The following ARAP1 variants were observed in gnomAD, a reference collection of about 807,000 sequenced individuals.
The protein encoded by ARAP1 is arf-GAP with Rho-GAP domain, ANK repeat and PH domain-containing protein 1.
A neutral mutation model predicts 172.2 loss-of-function variants in ARAP1; 76 were observed. The observed-to-expected ratio is 0.44, with a 90% CI of 0.37 to 0.53. The LOEUF (loss-of-function observed/expected upper bound fraction) is 0.53. Ranked by LOEUF, ARAP1 falls within the 20% of genes least tolerant of loss-of-function variation. The pLI is 0.00. For synonymous variants in ARAP1, 804 were observed against 803.3 expected, an observed-to-expected ratio of 1.00 and a Z score of -0.01; for missense variants, 1,686 against 1,977.5, an observed-to-expected ratio of 0.85 and a Z score of 2.80.
At chr11:72,709,193 G>C (rs1358898577) in intron 11 of ARAP1, among the ~76,000 whole-genome samples, 1 of 152,222 alleles carries the variant, frequency 6.6e-6, no homozygotes, top group Non-Finnish European at 1.5e-5. Flanking sequence ...TCCCGCTGGA[G>C]ACAGACACCT....
intron 5 of ARAP1, 98 bp downstream of exon 5, chr11:72,713,078 G>T: frequency 7.7e-7 from 1 of 1,291,950 alleles, no homozygotes; most frequent in Non-Finnish European, 1.1e-6. Flanking sequence ...CCCGGGAAAT[G>T]GCTGCCCACT....
intron 2 of ARAP1, 41 bp from the exon 3 acceptor site, chr11:72,727,213 C>T (rs1857719258): frequency 2.8e-6 from 4 of 1,440,186 alleles, no homozygotes; most frequent in African/African-American, 1.4e-5. Flanking sequence ...GCAGGGCTGC[C>T]GAGGATTGGT....
chr11:72,699,976 A>C lies in ARAP1; in HGVS notation c.2303-424T>G. ...AGCTTTTGCAAACCTTGTCCCCTCTACCCACCACCTGAATGTCACAGGAAG... is the reference window on the plus strand; with the variant it reads ...AGCTTTTGCAAACCTTGTCCCCTCTCCCCACCACCTGAATGTCACAGGAAG... On this transcript the variant is annotated intron_variant, in intron 16 of 34. Coordinates refer to ENST00000393609, the MANE Select transcript of ARAP1 (RefSeq NM_001040118.3). This position sits in a 1 kb window ranked among gnomAD's most constrained non-coding sequence, Gnocchi z 4.2. 1 of 182,694 alleles carries C rather than the reference A, an allele frequency of 5.5e-6. No homozygotes were observed. The highest frequency in any genetic ancestry group is 1.2e-5 in the Non-Finnish European group (1 of 85,798). The allele number at this position is 182,694 out of a possible 1,614,324, so 11.3% of individuals were successfully genotyped here. A position where few individuals can be genotyped will look rare whatever the true frequency, so the allele number is the denominator to read the frequency against.
intron 4 of ARAP1, among the ~76,000 whole-genome samples, chr11:72,713,542 C>A (rs1857129722): frequency 6.6e-6 from 1 of 152,098 alleles, no homozygotes. Flanking sequence ...ATGTGGCCAA[C>A]CCCAGGAAAA....
At chr11:72,742,951 T>G (rs1858246406) in intron 1 of ARAP1, among the ~76,000 whole-genome samples, 1 of 152,188 alleles carries the variant, frequency 6.6e-6, no homozygotes, top group Non-Finnish European at 1.5e-5. Flanking sequence ...CCGAGCTCCT[T>G]CTGGCTGGAA....
intron 4 of ARAP1, 39 bp from the exon 5 acceptor site, chr11:72,713,282 C>T: frequency 6.3e-7 from 1 of 1,588,338 alleles, no homozygotes; most frequent in Non-Finnish European, 8.6e-7. Context: ...GGGCAAGGGG[C>T]CTGGCCTCCT....
chr11:72,746,658 C>A (rs1032763870), intron 1 of ARAP1, among the ~76,000 whole-genome samples: 1 of 142,796 alleles, frequency 7.0e-6, no homozygotes, highest in African/African-American at 2.6e-5. Flanking sequence ...AGTGGAACAG[C>A]CCCCTCCCCC....
chr11:72,724,911 A>C (rs181762531), intron 3 of ARAP1, among the ~76,000 whole-genome samples: 12 of 152,288 alleles, frequency 7.9e-5, no homozygotes, highest in African/African-American at 2.6e-4. Context: ...CTAAATGGCT[A>C]TGTTCAGACA....
chr11:72,712,360 G>C (rs769397807), intron 6 of ARAP1, 21 bp from the exon 7 acceptor site: 6 of 1,543,930 alleles, frequency 3.9e-6, no homozygotes, highest in Non-Finnish European at 1.8e-6. Flanking sequence ...ATGAGGGGAT[G>C]GGGGGCCGGG....
chr11:72,742,567 A>C (rs1481975689), intron 1 of ARAP1, among the ~76,000 whole-genome samples: 6 of 152,116 alleles, frequency 3.9e-5, no homozygotes, highest in African/African-American at 1.4e-4. Context: ...CTGAGTGCAG[A>C]CTGAGAAGGG....
intron 1 of ARAP1, among the ~76,000 whole-genome samples, chr11:72,749,736 G>C (rs1268956137): frequency 6.6e-6 from 1 of 152,082 alleles, no homozygotes; most frequent in Non-Finnish European, 1.5e-5. Context: ...ACAAAAATTA[G>C]CCAGGTGTGG....
chr11:72,709,075 G>A (rs947785698), intron 11 of ARAP1, among the ~76,000 whole-genome samples: 8 of 149,576 alleles, frequency 5.3e-5, no homozygotes, highest in African/African-American at 7.4e-5. Flanking sequence ...GGAAAGGCAC[G>A]AGTCCTTCCT....
At chr11:72,701,438 T>C (rs2135516609) in intron 16 of ARAP1, among the ~76,000 whole-genome samples, 1 of 152,214 alleles carries the variant, frequency 6.6e-6, no homozygotes, top group South Asian at 2.1e-4. Context: ...CCAAAGAAAC[T>C]CTGGCACTGA....
Position 72,693,272 on chromosome 11 carries a change from C to G in ARAP1, c.3954+53G>C. 1 of 1,591,972 alleles carries G rather than the reference C, an allele frequency of 6.3e-7. No homozygotes were observed. Reference sequence around the variant, plus strand: ...GCAGACCAAGGGGAATCTCTGAGCACATTCAGGTGTACAGGTGCCCACCCT... The same window carrying G: ...GCAGACCAAGGGGAATCTCTGAGCAGATTCAGGTGTACAGGTGCCCACCCT... On this transcript the variant is annotated intron_variant, in intron 29 of 34. Coordinates refer to ENST00000393609, the MANE Select transcript of ARAP1 (RefSeq NM_001040118.3). The surrounding 1 kb of genome is among the most constrained non-coding windows in gnomAD (Gnocchi z 4.6).
chr11:72,697,616 A>G lies in ARAP1; in HGVS notation c.2771T>C (p.Val924Ala). 6.2e-7 allele frequency: 1 copy of G among 1,614,090 alleles called. No homozygotes were observed. Among genetic ancestry groups the G allele is most frequent in the South Asian group, 1.1e-5 (1 of 91,088 alleles). ...IQGDSENQVL[V>A]LVERRRTLYI... ...GGCTCACCTCCTTCGCTCCACCAGC[A>G]CCAGCACCTGGTTCTCACTGTCCCC... Residue 924 changes from valine (V) to alanine (A), a missense_variant, in exon 20 of 35, where the codon GTG (valine) becomes GCG (alanine). By Grantham distance (64) the Val-to-Ala change is moderately conservative. Transcript: ENST00000393609.
At chr11:72,686,343 G>A (rs1047971485) in intron 33 of ARAP1, 152 bp from the exon 34 acceptor site, 32 of 1,083,090 alleles carry the variant, frequency 3.0e-5, no homozygotes, top group Non-Finnish European at 3.6e-5. Context: ...GCAGCTGTGG[G>A]GAGAACATGA....
rs756933961 is a variant in ARAP1, at chr11:72,693,696, G to T, written c.3804C>A (p.Tyr1268Ter). Residue 1268 changes from tyrosine to a stop codon, truncating the protein, a stop_gained, in exon 28 of 35, where the codon TAC becomes TAA. Coordinates refer to ENST00000393609, the MANE Select transcript of ARAP1 (RefSeq NM_001040118.3). LOFTEE classifies it high-confidence loss of function. The surrounding 1 kb of genome is among the most constrained non-coding windows in gnomAD (Gnocchi z 4.6). ...KHQAMEAMLLYLASRVGDTKH... is the reference protein window; with the variant it reads ...KHQAMEAMLL ...CACCCTGCAGGCACCACCTACCCAG[G>T]TACAGCAGCATGGCCTCCATGGCCT... 1.2e-6 allele frequency: 2 copies of T among 1,605,254 alleles called. No homozygotes were observed. The highest frequency in any genetic ancestry group is 1.7e-6 in the Non-Finnish European group (2 of 1,175,886).
rs770733882 is a variant in ARAP1, at chr11:72,710,573, A to G, written c.1228T>C (p.Trp410Arg). 1.9e-6 allele frequency: 3 copies of G among 1,606,922 alleles called. No homozygotes were observed. The highest frequency in any genetic ancestry group is 2.2e-5 in the East Asian group (1 of 44,788). The change falls in exon 10 of 35, where the codon TGG (tryptophan) becomes CGG (arginine). Residue 410 changes from tryptophan (W) to arginine (R), a missense_variant. Transcript: ENST00000393609. This position sits in a 1 kb window ranked among gnomAD's most constrained non-coding sequence, Gnocchi z 4.3. ...ATGGCCTGCTGCAGGGCCTGCATCC[A>G]CTCCTTCCGCTCCACTGCAGGAGAA... ...RAESDVERKE[W>R]MQALQQAMAE...
rs796647515 is a variant in ARAP1 at position 72,710,073 on chromosome 11, C to CT, written c.1417-98dup. On this transcript the variant is annotated intron_variant, in intron 10 of 34. Transcript: ENST00000393609. This position sits in a 1 kb window ranked among gnomAD's most constrained non-coding sequence, Gnocchi z 4.3. The stretch of plus-strand genomic sequence containing the variant: ...AAGGGAAGGTGGTGCAACTCAGGGA[C>CT]TGGGGGGGGTGCCCAGGAGGGAGAC... 1.6e-5 allele frequency: 18 copies of CT among 1,143,284 alleles called. No individual in the cohort carries two copies. The African/African-American group carries it at 2.6e-4, about 16-fold the overall frequency. 70.8% of individuals were successfully genotyped at this position (1,143,284 alleles called of 1,614,324 possible). A position where few individuals can be genotyped will look rare whatever the true frequency, so the allele number is the denominator to read the frequency against.
Sources: gnomAD v4.1 joint callset for allele counts (sites outside exome capture counted in the v4.1 genomes callset) on GRCh38, gnomAD v4.1.1 for gene constraint, Gnocchi (gnomAD v3.1) non-coding constraint, MANE v1.5 for transcripts, NCBI Gene and HGNC (gene_info 2026-07-23, HGNC 2026-07-21) for gene names.